EPHA5: variants seen among roughly 807,000 people sequenced by gnomAD.
EPHA5 encodes EPH receptor A5.
Under a neutral mutation model 105.0 loss-of-function variants are expected in EPHA5, and 60 were observed. The ratio of observed to expected loss-of-function variants is 0.57; its 90% CI spans 0.46 to 0.71. EPHA5 has a LOEUF of 0.71. Among genes scored for constraint, EPHA5 ranks in the 30% least tolerant of loss-of-function variants. The pLI is 0.00. For synonymous variants in EPHA5, 513 were observed against 449.1 expected, an observed-to-expected ratio of 1.14 and a Z score of -1.80; for missense variants, 1,218 against 1,274.7, an observed-to-expected ratio of 0.96 and a Z score of 0.68.
At chr4:65,531,445 G>T (rs1206782657) in intron 3 of EPHA5, among the ~76,000 whole-genome samples, 1 of 152,094 alleles carries the variant, frequency 6.6e-6, no homozygotes, top group Non-Finnish European at 1.5e-5. Flanking sequence ...AAGAATGAAA[G>T]CTATATACTG....
At chr4:65,409,738 A>G (rs949852766) in intron 7 of EPHA5, among the ~76,000 whole-genome samples, 5 of 152,350 alleles carry the variant, frequency 3.3e-5, no homozygotes, top group Non-Finnish European at 5.9e-5. Flanking sequence ...ATTTTTAATA[A>G]GTAATGTAAG....
At chr4:65,609,275 T>A (rs1744530940) in intron 2 of EPHA5, among the ~76,000 whole-genome samples, 1 of 152,234 alleles carries the variant, frequency 6.6e-6, no homozygotes, top group Non-Finnish European at 1.5e-5. Context: ...CTTGTTATAT[T>A]TCCTCAATAT....
intron 1 of EPHA5, among the ~76,000 whole-genome samples, chr4:65,660,944 A>G (rs1749507226): frequency 6.6e-6 from 1 of 152,156 alleles, no homozygotes. Flanking sequence ...CCCAGCAAAC[A>G]AAGAGTAACA....
chr4:65,438,038 T>C (rs960871466), intron 5 of EPHA5, among the ~76,000 whole-genome samples: 1 of 151,984 alleles, frequency 6.6e-6, no homozygotes, highest in Non-Finnish European at 1.5e-5. Flanking sequence ...TTATACAGCA[T>C]CATAGTAGGA....
intron 5 of EPHA5, among the ~76,000 whole-genome samples, chr4:65,445,468 T>C (rs918129126): frequency 2.0e-5 from 3 of 152,150 alleles, no homozygotes; most frequent in African/African-American, 7.2e-5. Context: ...TGCTTCTTTA[T>C]GAGAAAAGTT....
chr4:65,408,825 C>A (rs1432340175), intron 7 of EPHA5, among the ~76,000 whole-genome samples: 2 of 151,724 alleles, frequency 1.3e-5, no homozygotes, highest in African/African-American at 4.8e-5. Context: ...TTTGACCCAG[C>A]CATCCCATTA....
intron 8 of EPHA5, among the ~76,000 whole-genome samples, chr4:65,397,934 C>T (rs549550284): frequency 7.9e-4 from 120 of 152,242 alleles, no homozygotes; most frequent in South Asian, 1.9e-3. Context: ...TCTGGAGAAG[C>T]AGTTGCAAAG....
At chr4:65,389,341 A>C (rs1253756953) in intron 8 of EPHA5, among the ~76,000 whole-genome samples, 2 of 152,068 alleles carry the variant, frequency 1.3e-5, no homozygotes, top group Non-Finnish European at 2.9e-5. Context: ...AATTAACATT[A>C]ATATAAAAAG....
chr4:65,485,040 T>G (rs1730750493), intron 5 of EPHA5, among the ~76,000 whole-genome samples: 1 of 151,752 alleles, frequency 6.6e-6, no homozygotes, highest in African/African-American at 2.4e-5. Context: ...GTATTATATA[T>G]GAAATACTCA....
chr4:65,439,553 C>T (rs1462093508), intron 5 of EPHA5, among the ~76,000 whole-genome samples: 2 of 151,834 alleles, frequency 1.3e-5, no homozygotes, highest in Admixed American at 1.3e-4. Flanking sequence ...AAATTCCTCC[C>T]TAAACCTGAG....
chr4:65,569,324 A>G (rs1043005638), intron 3 of EPHA5, among the ~76,000 whole-genome samples: 6 of 151,752 alleles, frequency 4.0e-5, no homozygotes, highest in Non-Finnish European at 5.9e-5. Context: ...TAGTACAATT[A>G]TTTCCTAAGT....
intron 15 of EPHA5, among the ~76,000 whole-genome samples, chr4:65,334,280 G>A (rs1033029399): frequency 6.6e-6 from 1 of 151,974 alleles, no homozygotes; most frequent in Non-Finnish European, 1.5e-5. Context: ...GATGTTGGAT[G>A]AATAAATGAA....
chr4:65,325,797 T>C (rs1160884713), intron 16 of EPHA5, among the ~76,000 whole-genome samples: 3 of 151,150 alleles, frequency 2.0e-5, no homozygotes, highest in Non-Finnish European at 4.4e-5. Context: ...GTTAACATTA[T>C]AGGCTGGATA....
intron 2 of EPHA5, 31 bp from the exon 3 acceptor site, chr4:65,602,335 A>T: frequency 2.7e-6 from 4 of 1,476,938 alleles, no homozygotes; most frequent in Non-Finnish European, 3.6e-6. Context: ...AGATAAAAAA[A>T]ATTCAAAAAA....
chr4:65,379,568 AT>A (rs1719352977), intron 8 of EPHA5, among the ~76,000 whole-genome samples: 1 of 151,736 alleles, frequency 6.6e-6, no homozygotes, highest in African/African-American at 2.4e-5. Flanking sequence ...AAGTGAGAGA[AT>A]ACATCTATTT....
In EPHA5 at chr4:65,321,109, A is replaced by G. The variant is rs1719606230; in HGVS notation, c.*3005T>C. 1.3e-5 allele frequency: 3 copies of G among 230,704 alleles called. No individual in the cohort carries two copies. The highest frequency in any genetic ancestry group is 2.6e-5 in the Non-Finnish European group (3 of 116,488). The allele number at this position is 230,704 out of a possible 1,614,324, so 14.3% of individuals were successfully genotyped here. ...TCAAAGTAGTAATTGAGTGACTTCA[A>G]GTATCAGTCTGTTGAAAATTACTCC... On this transcript the variant is annotated 3_prime_UTR_variant, in exon 17 of 17. Transcript: ENST00000613740.
chr4:65,619,155 AG>A (rs1287585157), intron 2 of EPHA5, among the ~76,000 whole-genome samples: 3 of 152,200 alleles, frequency 2.0e-5, no homozygotes, highest in Admixed American at 6.5e-5. Context: ...CCAAAAAAAA[AG>A]AATAAACAAA....
intron 2 of EPHA5, among the ~76,000 whole-genome samples, chr4:65,624,015 G>T (rs536042708): frequency 6.6e-6 from 1 of 152,088 alleles, no homozygotes; most frequent in African/African-American, 2.4e-5. Flanking sequence ...GTATATATTT[G>T]TACAATCAGA....
chr4:65,629,440 A>G (rs1746433695), intron 2 of EPHA5, among the ~76,000 whole-genome samples: 1 of 152,248 alleles, frequency 6.6e-6, no homozygotes, highest in Admixed American at 6.5e-5. Flanking sequence ...TGATAAATAA[A>G]GACATACAAT....
Sources: allele counts gnomAD v4.1 joint callset (sites outside exome capture counted in the v4.1 genomes callset), GRCh38; gene constraint gnomAD v4.1.1; transcripts MANE v1.5; gene names NCBI Gene and HGNC (gene_info 2026-07-23, HGNC 2026-07-21).